The following ATOX1 variants were observed in gnomAD, a reference collection of about 807,000 sequenced individuals.
ATOX1 encodes the protein antioxidant 1 copper chaperone, also known as copper transport protein ATOX1.
In ATOX1, 4 loss-of-function variants were observed where a neutral mutation model predicts 7.3. That is an observed-to-expected ratio of 0.55 (90% CI 0.27 to 1.25). ATOX1 has a LOEUF of 1.25. ATOX1 is among the 50% of genes most tolerant of loss of function. The probability of loss-of-function intolerance (pLI) is 0.12; values close to 1 mark genes in which losing one functional copy is unlikely to be tolerated. For synonymous variants in ATOX1, 25 were observed against 28.7 expected (o/e 0.87, Z 0.41); for missense variants, 68 against 81.6 (o/e 0.83, Z 0.64).
chr5:151,755,607 G>A lies in ATOX1; in HGVS notation c.6+2939C>T, dbSNP rs373636295. 4.8e-4 allele frequency among the ~76,000 whole-genome samples: 73 copies of A among 152,238 alleles called. No homozygotes were observed. In the South Asian group the frequency reaches 0.014, roughly 29 times the overall value. ...CAACAGATACCTGAAACTTTCTGTCGCTGACTACAGGGAGTAGGTCCCATC... is the reference window on the plus strand; with the variant it reads ...CAACAGATACCTGAAACTTTCTGTCACTGACTACAGGGAGTAGGTCCCATC... On this transcript the variant is annotated intron_variant, in intron 1 of 3. Coordinates refer to ENST00000313115, the MANE Select transcript of ATOX1 (RefSeq NM_004045.4).
At chr5:151,755,014 C>CAAA (rs1201831911) in intron 1 of ATOX1, among the ~76,000 whole-genome samples, 3 of 130,008 alleles carry the variant, frequency 2.3e-5, no homozygotes, top group African/African-American at 8.5e-5. Context: ...AACACAAAAA[C>CAAA]AAAAAACTAC....
chr5:151,747,095 A>C (rs566055196), intron 2 of ATOX1, among the ~76,000 whole-genome samples: 1 of 151,716 alleles, frequency 6.6e-6, no homozygotes, highest in African/African-American at 2.4e-5. Flanking sequence ...CAAAAAAGCA[A>C]ACATTTCTAA....
At chr5:151,752,532 C>T (rs751964494) in intron 1 of ATOX1, 1 of 600,228 alleles carries the variant, frequency 1.7e-6, no homozygotes, top group Non-Finnish European at 3.0e-6. Flanking sequence ...TACTGGATTC[C>T]TAATACTTGG....
rs770264182 is a variant in ATOX1, at chr5:151,751,716, T to C, written c.70A>G (p.Asn24Asp). 2 of 1,606,986 alleles carry C rather than the reference T, an allele frequency of 1.2e-6. No individual in the cohort carries two copies. Among genetic ancestry groups the C allele is most frequent in the Non-Finnish European group, 1.7e-6 (2 of 1,176,984 alleles). ...GCCACTCACTCACCTCCAAGCTTAT[T>C]GAGGACCCGAGAGACAGCTTCAGCA... ...GCAEAVSRVL[N>D]KLGGVKYDID... Residue 24 changes from asparagine to aspartate, a missense_variant, in exon 2 of 4, where the codon AAT (asparagine) becomes GAT (aspartate). Physicochemically the swap from Asn to Asp is conservative, Grantham distance 23. Coordinates refer to ENST00000313115, the MANE Select transcript of ATOX1 (RefSeq NM_004045.4).
chr5:151,747,970 T>C (rs1310171906), intron 2 of ATOX1, among the ~76,000 whole-genome samples: 1 of 152,216 alleles, frequency 6.6e-6, no homozygotes, highest in African/African-American at 2.4e-5. Context: ...TTAAAGGTCA[T>C]TGAGGATGCT....
chr5:151,755,308 C>T (rs1762001277), intron 1 of ATOX1, among the ~76,000 whole-genome samples: 1 of 152,146 alleles, frequency 6.6e-6, no homozygotes, highest in Non-Finnish European at 1.5e-5. Flanking sequence ...CTAAGTTAGT[C>T]CTCACTGAGC....
At chr5:151,743,553 G>A (rs143791924) in intron 3 of ATOX1, 1 of 152,248 alleles carries the variant, frequency 6.6e-6, no homozygotes, top group African/African-American at 2.4e-5. Context: ...AACAATACAT[G>A]GTTACTGAAA....
intron 1 of ATOX1, among the ~76,000 whole-genome samples, chr5:151,757,182 T>G (rs189039969): frequency 6.6e-6 from 1 of 152,336 alleles, no homozygotes; most frequent in Admixed American, 6.5e-5. Context: ...GCTGTTATCT[T>G]GTGGTACATG....
chr5:151,747,561 A>G (rs1761893882), intron 2 of ATOX1, among the ~76,000 whole-genome samples: 1 of 148,314 alleles, frequency 6.7e-6, no homozygotes, highest in South Asian at 2.1e-4. Flanking sequence ...CTGGGACTAC[A>G]GGTGTGAGCC....
intron 2 of ATOX1, 112 bp from the exon 3 acceptor site, chr5:151,746,561 C>T (rs1761881852): frequency 1.4e-6 from 2 of 1,437,304 alleles, no homozygotes; most frequent in African/African-American, 1.4e-5. Flanking sequence ...GCCCTTTCCT[C>T]TAGAGCAGGG....
chr5:151,746,113 A>G (rs1286636064), intron 3 of ATOX1, 166 bp downstream of exon 3: 3 of 550,396 alleles, frequency 5.5e-6, no homozygotes, highest in Non-Finnish European at 9.3e-6. Flanking sequence ...GATTTGCATT[A>G]GACAATAATA....
intron 2 of ATOX1, among the ~76,000 whole-genome samples, chr5:151,750,494 A>G (rs1761933446): frequency 1.6e-5 from 2 of 126,632 alleles, no homozygotes; most frequent in African/African-American, 3.1e-5. Context: ...CAACAAACAG[A>G]GTGAGACTTC....
intron 1 of ATOX1, among the ~76,000 whole-genome samples, chr5:151,756,778 C>T (rs1263463834): frequency 6.6e-6 from 1 of 152,218 alleles, no homozygotes; most frequent in African/African-American, 2.4e-5. Flanking sequence ...CCGGCCTCAC[C>T]TGCCTATAGC....
chr5:151,758,492 G>T, intron 1 of ATOX1, 54 bp downstream of exon 1: 1 of 1,479,408 alleles, frequency 6.8e-7, no homozygotes, highest in Admixed American at 2.3e-5. Flanking sequence ...CTGTGCAGCC[G>T]AGAAGCAACC....
chr5:151,745,182 A>T (rs1388719624), intron 3 of ATOX1: 1 of 152,136 alleles, frequency 6.6e-6, no homozygotes, highest in Non-Finnish European at 1.5e-5. Flanking sequence ...TTTGGGAAGG[A>T]GGCTATCCTC....
chr5:151,751,256 C>CAAA (rs59348695), intron 2 of ATOX1, among the ~76,000 whole-genome samples: 6 of 63,460 alleles, frequency 9.5e-5, no homozygotes, highest in African/African-American at 3.5e-4. Context: ...AACTCTGTCT[C>CAAA]AAAAAAAAAA....
intron 1 of ATOX1, 145 bp downstream of exon 1, chr5:151,758,401 G>A (rs1278957767): frequency 2.3e-6 from 3 of 1,289,626 alleles, no homozygotes; most frequent in African/African-American, 3.1e-5. Context: ...CAAAAGCTGG[G>A]GGCTGGGTGG....
chr5:151,746,490 GA>G lies in ATOX1; in HGVS notation c.83-42del, dbSNP rs752957198. On this transcript the variant is annotated intron_variant, in intron 2 of 3. Coordinates refer to ENST00000313115, the MANE Select transcript of ATOX1 (RefSeq NM_004045.4). ...ATGGGGTATGGGGAGAGGAAGCACA[GA>G]CCCTCCCAGTTACAGCAAGAAAGAG... 8.9e-5 allele frequency: 144 copies of G among 1,610,848 alleles called. No individual in the cohort carries two copies. The Middle Eastern group carries it at 1.2e-3, about 13-fold the overall frequency.
At chr5:151,750,971 T>C (rs6579902) in intron 2 of ATOX1, among the ~76,000 whole-genome samples, 2,424 of 152,012 alleles carry the variant, frequency 0.016, 64 homozygotes, top group African/African-American at 0.056. Context: ...AAAACCTTAA[T>C]AGAGGCTGCG....
Sources: allele counts gnomAD v4.1 joint callset (sites outside exome capture counted in the v4.1 genomes callset), GRCh38; gene constraint gnomAD v4.1.1; transcripts MANE v1.5; gene names NCBI Gene and HGNC (gene_info 2026-07-23, HGNC 2026-07-21).